Variants in KCNK12 observed in about 807,000 individuals in gnomAD.
KCNK12 encodes the protein potassium channel subfamily K member 12.
In KCNK12, 6 loss-of-function variants were observed where a neutral mutation model predicts 25.3. The observed-to-expected ratio is 0.24, with a 90% CI of 0.13 to 0.47. KCNK12 has a LOEUF of 0.47. Ranked by LOEUF, KCNK12 falls within the 20% of genes least tolerant of loss-of-function variation. The probability of loss-of-function intolerance (pLI) is 0.99; values close to 1 mark genes in which losing one functional copy is unlikely to be tolerated. For synonymous variants in KCNK12, 331 were observed against 311.1 expected (o/e 1.06, Z -0.67); for missense variants, 444 against 661.7 (o/e 0.67, Z 3.61).
At position 47,540,812 on chromosome 2, in the gene KCNK12, A is replaced by G. The variant is rs140907559; in HGVS notation, c.392-19004T>C. Among the ~76,000 whole-genome samples the G allele has an allele frequency of 4.6e-3, 702 of 151,384 alleles. 6 individuals are homozygous for G. Among genetic ancestry groups the G allele is most frequent in the African/African-American group, 0.016 (671 of 40,776 alleles). On this transcript the variant is annotated intron_variant, in intron 1 of 1. Transcript: ENST00000327876. This position sits in a 1 kb window ranked among gnomAD's most constrained non-coding sequence, Gnocchi z 5.4. ...ACAAACAAACAAAAGCAAGCTGGGC[A>G]TGGTGGCTCACACCTGTAGTTCCAG...
rs757367416 is a variant in KCNK12 at position 47,515,431 on chromosome 2, C to CA, written c.*5475dup. ...CATCGCCAAAATCTGATTTTTTACACAAAAAATTTGCAACCTCCAGCATAA... is the reference window on the plus strand; with the variant it reads ...CATCGCCAAAATCTGATTTTTTACACAAAAAAATTTGCAACCTCCAGCATAA... On this transcript the variant is annotated 3_prime_UTR_variant, in exon 2 of 2. Transcript: ENST00000327876. 6.6e-6 allele frequency among the ~76,000 whole-genome samples: 1 copy of CA among 152,264 alleles called. No individual in the cohort carries two copies. The highest frequency in any genetic ancestry group is 1.9e-4 in the East Asian group (1 of 5,188).
intron 1 of KCNK12, among the ~76,000 whole-genome samples, chr2:47,526,240 CAA>C (rs57006185): frequency 1.6e-3 from 206 of 127,426 alleles, no homozygotes; most frequent in Non-Finnish European, 2.2e-3. Context: ...CCTAAAAATA[CAA>C]AAAAAAAAAA....
rs1396158293 is a variant in KCNK12 at position 47,525,042 on chromosome 2, T to C, written c.392-3234A>G. Among the ~76,000 whole-genome samples, 1 of 149,322 alleles carries C rather than the reference T, an allele frequency of 6.7e-6. No individual in the cohort carries two copies. The highest frequency in any genetic ancestry group is 1.5e-5 in the Non-Finnish European group (1 of 68,034). On this transcript the variant is annotated intron_variant, in intron 1 of 1. Transcript: ENST00000327876. The surrounding 1 kb of genome is among the most constrained non-coding windows in gnomAD (Gnocchi z 4.1). The stretch of plus-strand genomic sequence containing the variant: ...CTGGAAAACCAATACTTTGTCTAAC[T>C]AAGAAAATACTGAATTGGATTTTTC...
Position 47,551,724 on chromosome 2 carries a change from A to T in KCNK12, c.391+18217T>A, listed in dbSNP as rs1449665061. Among the ~76,000 whole-genome samples, 1 of 152,258 alleles carries T rather than the reference A, an allele frequency of 6.6e-6. No homozygotes were observed. The highest frequency in any genetic ancestry group is 6.5e-5 in the Admixed American group (1 of 15,286). On this transcript the variant is annotated intron_variant, in intron 1 of 1. Coordinates refer to ENST00000327876, the MANE Select transcript of KCNK12 (RefSeq NM_022055.2). This position sits in a 1 kb window ranked among gnomAD's most constrained non-coding sequence, Gnocchi z 5.3. The stretch of plus-strand genomic sequence containing the variant: ...TCTCCAGTTCTAGACTCGTTGACAC[A>T]TAAAAATATTTTGGTGCTAGTCCTG...
chr2:47,528,231 G>A lies in KCNK12; in HGVS notation c.392-6423C>T, dbSNP rs577041955. The A allele has an allele frequency of 1.3e-5, 2 of 152,446 alleles. No homozygotes were observed. The highest frequency in any genetic ancestry group is 4.8e-5 in the African/African-American group (2 of 41,586). The allele number at this position is 152,446 out of a possible 1,614,324, so 9.4% of individuals were successfully genotyped here. A position where few individuals can be genotyped will look rare whatever the true frequency, so the allele number is the denominator to read the frequency against. ...TCCGACAGCGCACAGGGCAACCAGT[G>A]AAAGCGTCCTTACTGTCCTGTTCCT... On this transcript the variant is annotated intron_variant, in intron 1 of 1. Transcript: ENST00000327876. This position sits in a 1 kb window ranked among gnomAD's most constrained non-coding sequence, Gnocchi z 4.5.
Position 47,526,363 on chromosome 2 carries a change from G to A in KCNK12, c.392-4555C>T, listed in dbSNP as rs542700235. The stretch of plus-strand genomic sequence containing the variant: ...GGAGCTTGCAGTGAGCCGAGATTGC[G>A]CCACTGCACTCCAGCCTGGGCAACA... On this transcript the variant is annotated intron_variant, in intron 1 of 1. Transcript: ENST00000327876. Among the ~76,000 whole-genome samples, 11 of 147,692 alleles carry A rather than the reference G, an allele frequency of 7.4e-5. No individual in the cohort carries two copies. In the South Asian group the frequency reaches 1.1e-3, roughly 14 times the overall value.
rs1202387553 is a variant in KCNK12, at chr2:47,566,088, A to G, written c.391+3853T>C. 6.6e-6 allele frequency: 1 copy of G among 152,160 alleles called. No homozygotes were observed. Among genetic ancestry groups the G allele is most frequent in the African/African-American group, 2.4e-5 (1 of 41,426 alleles). 9.4% of individuals were successfully genotyped at this position (152,160 alleles called of 1,614,324 possible). ...ATGAATAATTTAGACCACAAAGTGG[A>G]TTTTTATTTCGCTTGAGCTATTCAG... On this transcript the variant is annotated intron_variant, in intron 1 of 1. Transcript: ENST00000327876. The surrounding 1 kb of genome is among the most constrained non-coding windows in gnomAD (Gnocchi z 4.1).
In KCNK12 at chr2:47,512,565, T is replaced by G; in HGVS notation, c.*8342A>C. On this transcript the variant is annotated 3_prime_UTR_variant, in exon 2 of 2. Transcript: ENST00000327876. ...CCAGAAAGGGGTCAGGAATATAACT[T>G]TCTCTGCCCAGATTCCAGGACTTAC... 1 of 1,036,774 alleles carries G rather than the reference T, an allele frequency of 9.6e-7. No homozygotes were observed. The highest frequency in any genetic ancestry group is 1.7e-5 in the South Asian group (1 of 58,276). The allele number at this position is 1,036,774 out of a possible 1,614,324, so 64.2% of individuals were successfully genotyped here. A position where few individuals can be genotyped will look rare whatever the true frequency, so the allele number is the denominator to read the frequency against.
intron 1 of KCNK12, among the ~76,000 whole-genome samples, chr2:47,567,371 A>G (rs1669804863): frequency 6.6e-6 from 1 of 152,222 alleles, no homozygotes; most frequent in Admixed American, 6.5e-5. Context: ...AACCCATACA[A>G]GCATCAATAA....
Position 47,566,518 on chromosome 2 carries a change from C to G in KCNK12, c.391+3423G>C, listed in dbSNP as rs1323391721. 6.6e-6 allele frequency: 1 copy of G among 152,136 alleles called. No homozygotes were observed. The allele number at this position is 152,136 out of a possible 1,614,324, so 9.4% of individuals were successfully genotyped here. ...TAGACCACAGTTTGCCAGAAGTTCT[C>G]CTACTTGCTAGTACCCCATCTCTGC... is the stretch of plus-strand genomic sequence containing the variant. On this transcript the variant is annotated intron_variant, in intron 1 of 1. Transcript: ENST00000327876. This position sits in a 1 kb window ranked among gnomAD's most constrained non-coding sequence, Gnocchi z 4.1.
At position 47,540,772 on chromosome 2, in the gene KCNK12, A is replaced by AAAACAAAC. The variant is rs59132408; in HGVS notation, c.392-18972_392-18965dup. 0.047 allele frequency among the ~76,000 whole-genome samples: 7,085 copies of AAAACAAAC among 150,000 alleles called. 569 individuals are homozygous for AAAACAAAC. Among genetic ancestry groups the AAAACAAAC allele is most frequent in the African/African-American group, 0.16 (6,554 of 40,526 alleles). On this transcript the variant is annotated intron_variant, in intron 1 of 1. Coordinates refer to ENST00000327876, the MANE Select transcript of KCNK12 (RefSeq NM_022055.2). This position sits in a 1 kb window ranked among gnomAD's most constrained non-coding sequence, Gnocchi z 5.4. ...GAGACTCCATCCCTAGAAACAATTA[A>AAAACAAAC]AAACAAACAAACAAACAAACAAACA...
rs1245644323 is a variant in KCNK12 at position 47,556,024 on chromosome 2, GCTGGACTCCTGATT to G, written c.391+13903_391+13916del. 3 of 152,266 alleles carry G rather than the reference GCTGGACTCCTGATT, an allele frequency of 2.0e-5. No homozygotes were observed. The highest frequency in any genetic ancestry group is 4.4e-5 in the Non-Finnish European group (3 of 68,062). 9.4% of individuals were successfully genotyped at this position (152,266 alleles called of 1,614,324 possible). A position where few individuals can be genotyped will look rare whatever the true frequency, so the allele number is the denominator to read the frequency against. ...ATAACGTAGTCACTGGAAAGGTGGG[GCTGGACTCCTGATT>G]GAGGTGGATCCAGGGGAGAAGGGCA... On this transcript the variant is annotated intron_variant, in intron 1 of 1. Transcript: ENST00000327876. The surrounding 1 kb of genome is among the most constrained non-coding windows in gnomAD (Gnocchi z 4.8).
At position 47,540,694 on chromosome 2, in the gene KCNK12, G is replaced by A. The variant is rs1448644496; in HGVS notation, c.392-18886C>T. 6.6e-6 allele frequency among the ~76,000 whole-genome samples: 1 copy of A among 152,218 alleles called. No homozygotes were observed. The highest frequency in any genetic ancestry group is 1.9e-4 in the East Asian group (1 of 5,192). ...TCATGCCAGCACTTTGGGAGGCCAA[G>A]GCAGGGGGATTGCTTGAGGCCAGGA... On this transcript the variant is annotated intron_variant, in intron 1 of 1. Coordinates refer to ENST00000327876, the MANE Select transcript of KCNK12 (RefSeq NM_022055.2). The surrounding 1 kb of genome is among the most constrained non-coding windows in gnomAD (Gnocchi z 5.4).
chr2:47,561,360 A>G (rs1382976224), intron 1 of KCNK12, among the ~76,000 whole-genome samples: 1 of 152,218 alleles, frequency 6.6e-6, no homozygotes, highest in African/African-American at 2.4e-5. Flanking sequence ...GGGATGATTA[A>G]GATATTCTAG....
Position 47,511,791 on chromosome 2 carries a change from G to T in KCNK12, c.*9116C>A, listed in dbSNP as rs1433192669. Among the ~76,000 whole-genome samples, 2 of 152,230 alleles carry T rather than the reference G, an allele frequency of 1.3e-5. No individual in the cohort carries two copies. The highest frequency in any genetic ancestry group is 2.9e-5 in the Non-Finnish European group (2 of 68,048). ...GCTCTCATTAGAGCAGCCCTGCGTT[G>T]TAGACTTTTCTGCAGTGACAGAAAT... On this transcript the variant is annotated 3_prime_UTR_variant, in exon 2 of 2. Coordinates refer to ENST00000327876, the MANE Select transcript of KCNK12 (RefSeq NM_022055.2). This position sits in a 1 kb window ranked among gnomAD's most constrained non-coding sequence, Gnocchi z 4.3.
chr2:47,523,421 T>C (rs1379132443), intron 1 of KCNK12, among the ~76,000 whole-genome samples: 2 of 152,358 alleles, frequency 1.3e-5, no homozygotes, highest in South Asian at 4.1e-4. Context: ...AGCTGGGTCC[T>C]GTGCTGCTGG....
intron 1 of KCNK12, among the ~76,000 whole-genome samples, chr2:47,549,179 T>A (rs1413421956): frequency 2.0e-5 from 3 of 152,172 alleles, no homozygotes; most frequent in Non-Finnish European, 4.4e-5. Flanking sequence ...GGAGGAAAGG[T>A]TTCACTGAAT....
rs1168640879 is a variant in KCNK12, at chr2:47,538,378, GA to G, written c.392-16571del. ...GTGGGTCCAGGGAGGCCTCGTTAAG[GA>G]ACGGATGTTTGATAAAGGACTAGGG... is the stretch of plus-strand genomic sequence containing the variant. On this transcript the variant is annotated intron_variant, in intron 1 of 1. Transcript: ENST00000327876. This position sits in a 1 kb window ranked among gnomAD's most constrained non-coding sequence, Gnocchi z 4.5. Among the ~76,000 whole-genome samples, 1 of 152,192 alleles carries G rather than the reference GA, an allele frequency of 6.6e-6. No homozygotes were observed. Among genetic ancestry groups the G allele is most frequent in the Non-Finnish European group, 1.5e-5 (1 of 68,034 alleles).
chr2:47,525,591 CAGG>C lies in KCNK12; in HGVS notation c.392-3786_392-3784del, dbSNP rs1668752678. Among the ~76,000 whole-genome samples, 1 of 152,152 alleles carries C rather than the reference CAGG, an allele frequency of 6.6e-6. No individual in the cohort carries two copies. Among genetic ancestry groups the C allele is most frequent in the African/African-American group, 2.4e-5 (1 of 41,432 alleles). On this transcript the variant is annotated intron_variant, in intron 1 of 1. Transcript: ENST00000327876. This position sits in a 1 kb window ranked among gnomAD's most constrained non-coding sequence, Gnocchi z 4.1. ...TCTGTACTTCAAGGGCTTGCTTCAT[CAGG>C]AGATGTGAGGGTGACATGGGTCACC...
Sources: gnomAD v4.1 joint callset for allele counts (sites outside exome capture counted in the v4.1 genomes callset) on GRCh38, gnomAD v4.1.1 for gene constraint, Gnocchi (gnomAD v3.1) non-coding constraint, MANE v1.5 for transcripts, NCBI Gene and HGNC (gene_info 2026-07-23, HGNC 2026-07-21) for gene names.